The following ADGRL3 variants were observed in gnomAD, a reference collection of about 807,000 sequenced individuals.
ADGRL3 encodes adhesion G protein-coupled receptor L3, also known as calcium-independent alpha-latrotoxin receptor 3.
Under a neutral mutation model 153.5 loss-of-function variants are expected in ADGRL3, and 62 were observed. The ratio of observed to expected loss-of-function variants is 0.40; its 90% CI spans 0.33 to 0.50. The LOEUF (loss-of-function observed/expected upper bound fraction) is 0.50. Ranked by LOEUF, ADGRL3 falls within the 20% of genes least tolerant of loss-of-function variation. The pLI is 0.47. For missense variants in ADGRL3, 1,641 were observed against 1,859.4 expected, an observed-to-expected ratio of 0.88 and a Z score of 2.16; for synonymous variants, 710 against 672.5, an observed-to-expected ratio of 1.06 and a Z score of -0.86.
chr4:61,339,452 A>G (rs1224470356), intron 1 of ADGRL3, among the ~76,000 whole-genome samples: 1 of 152,166 alleles, frequency 6.6e-6, no homozygotes. Flanking sequence ...ACTGAGGAAA[A>G]TATGAACAGA....
At chr4:61,217,810 C>G (rs1743560151) in intron 1 of ADGRL3, among the ~76,000 whole-genome samples, 1 of 152,142 alleles carries the variant, frequency 6.6e-6, no homozygotes, top group South Asian at 2.1e-4. Context: ...TCCCCATTGA[C>G]TTATTAAGTA....
Position 61,392,026 on chromosome 4 carries a change from A to AT in ADGRL3, c.-174+8853dup, listed in dbSNP as rs373905840. On this transcript the variant is annotated intron_variant, in intron 2 of 26. Coordinates refer to ENST00000683033, the MANE Select transcript of ADGRL3 (RefSeq NM_001387552.1). ...AGGCGCCTGCCACCACGACCGGCTA[A>AT]TTTTTTTTTTTTTTTTGTATTTTTA... 6.4e-3 allele frequency among the ~76,000 whole-genome samples: 875 copies of AT among 135,678 alleles called. 9 individuals are homozygous for AT. The highest frequency in any genetic ancestry group is 0.019 in the African/African-American group (708 of 36,646). The allele number at this position is 135,678 out of a possible 152,430, so 89.0% of individuals were successfully genotyped here. A position where few individuals can be genotyped will look rare whatever the true frequency, so the allele number is the denominator to read the frequency against.
intron 19 of ADGRL3, among the ~76,000 whole-genome samples, 159 bp from the exon 20 acceptor site, chr4:61,996,132 G>A (rs546529041): frequency 6.6e-6 from 1 of 152,186 alleles, no homozygotes; most frequent in Non-Finnish European, 1.5e-5. Flanking sequence ...TCAGAAATTG[G>A]GCACATAATT....
rs2098831049 is a variant in ADGRL3, at chr4:61,934,695, C to T, written c.2113-145C>T. Reference sequence around the variant, plus strand: ...AACAAAATAATGAATGCTTCTGCTGCAGCATGTCACAGGGGAGGCTGGGAC... The same window carrying T: ...AACAAAATAATGAATGCTTCTGCTGTAGCATGTCACAGGGGAGGCTGGGAC... On this transcript the variant is annotated intron_variant, in intron 13 of 26. Transcript: ENST00000683033. The T allele has an allele frequency of 7.0e-6, 4 of 568,710 alleles. No homozygotes were observed. In the Admixed American group the frequency reaches 1.2e-4, roughly 17 times the overall value. 35.2% of individuals were successfully genotyped at this position (568,710 alleles called of 1,614,324 possible).
chr4:62,005,921 G>T (rs2099155710), intron 21 of ADGRL3, among the ~76,000 whole-genome samples: 1 of 131,814 alleles, frequency 7.6e-6, no homozygotes, highest in Admixed American at 8.4e-5. Flanking sequence ...TACAAAATTT[G>T]CTAGTTTTTA....
chr4:62,041,318 G>GGGT (rs1728154127), intron 24 of ADGRL3, among the ~76,000 whole-genome samples: 2 of 151,890 alleles, frequency 1.3e-5, no homozygotes, highest in South Asian at 4.1e-4. Context: ...TCACAGAAAT[G>GGGT]GGTGTAACTT....
intron 13 of ADGRL3, among the ~76,000 whole-genome samples, chr4:61,914,340 G>T (rs934619499): frequency 1.3e-5 from 2 of 152,016 alleles, no homozygotes; most frequent in African/African-American, 4.8e-5. Context: ...CATGACTCAG[G>T]CCCCTATAAC....
At chr4:62,049,200 C>T (rs1188502802) in intron 25 of ADGRL3, among the ~76,000 whole-genome samples, 4 of 151,982 alleles carry the variant, frequency 2.6e-5, no homozygotes, top group Admixed American at 1.3e-4. Context: ...ATCTTTGAAT[C>T]ACAAAAGAGT....
intron 6 of ADGRL3, among the ~76,000 whole-genome samples, chr4:61,706,778 G>T (rs896346499): frequency 1.3e-5 from 2 of 152,080 alleles, no homozygotes; most frequent in African/African-American, 4.8e-5. Context: ...TTCCATATCG[G>T]CAATAAAACT....
chr4:61,452,867 G>C (rs2097691697), intron 2 of ADGRL3, among the ~76,000 whole-genome samples: 1 of 152,022 alleles, frequency 6.6e-6, no homozygotes, highest in Non-Finnish European at 1.5e-5. Flanking sequence ...GGTAATTCAT[G>C]AATGATTTAT....
intron 9 of ADGRL3, among the ~76,000 whole-genome samples, chr4:61,846,948 A>ATGTGTGTGTGTGTG (rs72301670): frequency 7.8e-4 from 114 of 145,904 alleles, no homozygotes; most frequent in African/African-American, 2.8e-3. Flanking sequence ...TTTATATATT[A>ATGTGTGTGTGTGTG]TGTGTGTGTG....
rs556302060 is a variant in ADGRL3 at position 61,230,580 on chromosome 4, G to A, written c.-240+28815G>A. Among the ~76,000 whole-genome samples the A allele has an allele frequency of 4.6e-5, 7 of 152,014 alleles. No individual in the cohort carries two copies. In the East Asian group the frequency reaches 1.4e-3, roughly 30 times the overall value. On this transcript the variant is annotated intron_variant, in intron 1 of 26. Coordinates refer to ENST00000683033, the MANE Select transcript of ADGRL3 (RefSeq NM_001387552.1). ...ATTTTGTTTTTTGTAGAGATGAGGT[G>A]TCACTATGTTGCCCAGGCTGTTCTT...
At chr4:61,639,532 G>C (rs2093574731) in intron 5 of ADGRL3, among the ~76,000 whole-genome samples, 1 of 152,058 alleles carries the variant, frequency 6.6e-6, no homozygotes, top group Non-Finnish European at 1.5e-5. Flanking sequence ...GCAGACATAG[G>C]AAAGGGTGAC....
intron 8 of ADGRL3, among the ~76,000 whole-genome samples, chr4:61,785,825 A>G (rs936227665): frequency 3.3e-5 from 5 of 152,182 alleles, no homozygotes; most frequent in African/African-American, 1.2e-4. Context: ...GATTAATTTA[A>G]TGTAACATTT....
rs186053078 is a variant in ADGRL3, at chr4:61,344,873, G to A, written c.-239-38251G>A. Among the ~76,000 whole-genome samples, 774 of 151,758 alleles carry A rather than the reference G, an allele frequency of 5.1e-3. 7 individuals carry two copies. The highest frequency in any genetic ancestry group is 0.018 in the African/African-American group (731 of 41,404). Reference sequence around the variant, plus strand: ...GTGATCTCAGCTCACTGCAACCTCCGCCTCCCAGGTTCAAGCGATTCTCTT... The same window carrying A: ...GTGATCTCAGCTCACTGCAACCTCCACCTCCCAGGTTCAAGCGATTCTCTT... On this transcript the variant is annotated intron_variant, in intron 1 of 26. Transcript: ENST00000683033.
chr4:61,582,595 G>A (rs998536646), intron 4 of ADGRL3, among the ~76,000 whole-genome samples: 1 of 151,570 alleles, frequency 6.6e-6, no homozygotes, highest in Non-Finnish European at 1.5e-5. Context: ...CCATTAATGT[G>A]TAGCCCTCAT....
At chr4:61,738,407 A>G (rs932469841) in intron 8 of ADGRL3, among the ~76,000 whole-genome samples, 1 of 152,148 alleles carries the variant, frequency 6.6e-6, no homozygotes, top group Non-Finnish European at 1.5e-5. Flanking sequence ...TTTTGTGTGT[A>G]ATGACCTCTT....
intron 1 of ADGRL3, among the ~76,000 whole-genome samples, chr4:61,372,381 A>G (rs1342481927): frequency 6.6e-6 from 1 of 151,558 alleles, no homozygotes; most frequent in Non-Finnish European, 1.5e-5. Context: ...TTGGTCTTTG[A>G]TGATGGTGAT....
At position 61,365,567 on chromosome 4, in the gene ADGRL3, G is replaced by A. The variant is rs890510828; in HGVS notation, c.-239-17557G>A. ...CAGCAGTGCTGCTGGATACTAGGAA[G>A]TCTCATCTTCAGTATCTGCTGAGGC... is the stretch of plus-strand genomic sequence containing the variant. On this transcript the variant is annotated intron_variant, in intron 1 of 26. Coordinates refer to ENST00000683033, the MANE Select transcript of ADGRL3 (RefSeq NM_001387552.1). Among the ~76,000 whole-genome samples, 9 of 152,378 alleles carry A rather than the reference G, an allele frequency of 5.9e-5. 1 individual carries two copies. The highest frequency in any genetic ancestry group is 3.9e-4 in the Admixed American group (6 of 15,312).
Sources: gnomAD v4.1 joint callset for allele counts (sites outside exome capture counted in the v4.1 genomes callset) on GRCh38, gnomAD v4.1.1 for gene constraint, MANE v1.5 for transcripts, NCBI Gene and HGNC (gene_info 2026-07-23, HGNC 2026-07-21) for gene names.